ANKS1B: variants seen among roughly 807,000 people sequenced by gnomAD.
ANKS1B encodes the protein ankyrin repeat and sterile alpha motif domain containing 1B.
In ANKS1B, 36 loss-of-function variants were observed where a neutral mutation model predicts 148.3. The ratio of observed to expected loss-of-function variants is 0.24; its 90% CI spans 0.19 to 0.32. The LOEUF (loss-of-function observed/expected upper bound fraction) is 0.32. ANKS1B is among the 10% of genes least tolerant of loss of function. The pLI is 1.00. For missense variants in ANKS1B, 1,157 were observed against 1,542.6 expected, an observed-to-expected ratio of 0.75 and a Z score of 4.19; for synonymous variants, 542 against 560.8, an observed-to-expected ratio of 0.97 and a Z score of 0.47.
intron 8 of ANKS1B, among the ~76,000 whole-genome samples, chr12:99,674,731 C>T (rs1016246597): frequency 6.6e-6 from 1 of 151,604 alleles, no homozygotes; most frequent in East Asian, 1.9e-4. Context: ...GGCATTTCTA[C>T]TATAAATAGT....
At chr12:99,648,260 A>C (rs769922789) in intron 9 of ANKS1B, 16 of 1,614,096 alleles carry the variant, frequency 9.9e-6, no homozygotes, top group Non-Finnish European at 1.4e-5. Context: ...GGGAAGCTGC[A>C]GCGGCAACTG....
At chr12:99,397,449 A>G (rs1023623639) in intron 12 of ANKS1B, among the ~76,000 whole-genome samples, 1 of 152,152 alleles carries the variant, frequency 6.6e-6, no homozygotes, top group Non-Finnish European at 1.5e-5. Context: ...CATTCTAGAA[A>G]GACGACAAGA....
chr12:99,367,412 T>C (rs2092829016), intron 12 of ANKS1B, among the ~76,000 whole-genome samples: 1 of 152,180 alleles, frequency 6.6e-6, no homozygotes, highest in African/African-American at 2.4e-5. Flanking sequence ...AAGAAGTCTG[T>C]GAGCTACACA....
At chr12:99,678,316 T>C (rs1948729013) in intron 8 of ANKS1B, among the ~76,000 whole-genome samples, 1 of 152,190 alleles carries the variant, frequency 6.6e-6, no homozygotes, top group Non-Finnish European at 1.5e-5. Flanking sequence ...CCTTCCTAAG[T>C]CCCTGGTGTG....
At chr12:98,778,726 C>T (rs2098704798) in intron 24 of ANKS1B, among the ~76,000 whole-genome samples, 1 of 152,184 alleles carries the variant, frequency 6.6e-6, no homozygotes, top group South Asian at 2.1e-4. Context: ...GCCAGTCCTC[C>T]CACCCTGGCT....
intron 12 of ANKS1B, among the ~76,000 whole-genome samples, chr12:99,357,968 G>A (rs1053392477): frequency 3.3e-5 from 5 of 151,668 alleles, no homozygotes; most frequent in South Asian, 2.1e-4. Flanking sequence ...TTATTCAATT[G>A]CTAATGAGGT....
intron 14 of ANKS1B, among the ~76,000 whole-genome samples, chr12:99,201,161 C>A (rs1335504457): frequency 6.6e-6 from 1 of 151,956 alleles, no homozygotes; most frequent in Non-Finnish European, 1.5e-5. Flanking sequence ...CAGGTGAGGG[C>A]CTGATCACGC....
intron 1 of ANKS1B, among the ~76,000 whole-genome samples, chr12:99,874,898 G>C (rs1488740): frequency 0.14 from 22,009 of 152,168 alleles, 1,974 homozygotes; most frequent in Non-Finnish European, 0.2. Flanking sequence ...CTAATACATT[G>C]CAAATACTTG....
intron 23 of ANKS1B, 68 bp downstream of exon 23, chr12:98,782,058 A>T (rs1306434599): frequency 1.1e-5 from 14 of 1,287,978 alleles, no homozygotes; most frequent in Non-Finnish European, 1.4e-5. Context: ...AGTCACCAGC[A>T]GTCAGTTTAC....
intron 12 of ANKS1B, among the ~76,000 whole-genome samples, chr12:99,388,746 T>C (rs2093963377): frequency 1.3e-5 from 2 of 152,206 alleles, no homozygotes; most frequent in Admixed American, 1.3e-4. Context: ...GCTCACAGAC[T>C]GTTGGCCCAA....
At chr12:99,489,044 C>A (rs1279369547) in intron 10 of ANKS1B, among the ~76,000 whole-genome samples, 1 of 152,012 alleles carries the variant, frequency 6.6e-6, no homozygotes, top group Non-Finnish European at 1.5e-5. Context: ...GAGTTTGAGA[C>A]CAGTCTGACC....
At chr12:99,632,909 C>A (rs1444383885) in intron 9 of ANKS1B, among the ~76,000 whole-genome samples, 36 of 60,222 alleles carry the variant, frequency 6.0e-4, no homozygotes, top group African/African-American at 2.0e-3. Context: ...TCCCTCCCCC[C>A]TCCCCCCACC....
At chr12:99,836,062 T>C (rs1488722) in intron 1 of ANKS1B, among the ~76,000 whole-genome samples, 3,235 of 152,302 alleles carry the variant, frequency 0.021, 101 homozygotes, top group African/African-American at 0.072. Flanking sequence ...GTAAGATAGA[T>C]ATACACTATA....
At chr12:98,968,630 T>G (rs17460772) in intron 17 of ANKS1B, among the ~76,000 whole-genome samples, 28,170 of 152,108 alleles carry the variant, frequency 0.19, 2,876 homozygotes, top group Non-Finnish European at 0.21. Flanking sequence ...ACCCTTCACC[T>G]TTCTCTCTCC....
intron 9 of ANKS1B, among the ~76,000 whole-genome samples, chr12:99,582,235 G>C (rs562655316): frequency 6.6e-6 from 1 of 151,738 alleles, no homozygotes; most frequent in South Asian, 2.1e-4. Context: ...AGAACTCTCA[G>C]ACATTCCTGA....
intron 10 of ANKS1B, among the ~76,000 whole-genome samples, chr12:99,481,579 T>C (rs1468144169): frequency 6.6e-6 from 1 of 151,924 alleles, no homozygotes; most frequent in Non-Finnish European, 1.5e-5. Flanking sequence ...CTGTATCCAT[T>C]GGTAGATCTA....
chr12:99,677,692 T>A (rs2098586519), intron 8 of ANKS1B, among the ~76,000 whole-genome samples: 1 of 152,058 alleles, frequency 6.6e-6, no homozygotes, highest in South Asian at 2.1e-4. Flanking sequence ...AGAAATAAAG[T>A]TCAGTTTGTA....
chr12:99,894,566 A>G (rs2093311615), intron 1 of ANKS1B, among the ~76,000 whole-genome samples: 1 of 150,256 alleles, frequency 6.7e-6, no homozygotes, highest in African/African-American at 2.4e-5. Flanking sequence ...CCATGGTTCA[A>G]CTTACAATTT....
intron 9 of ANKS1B, among the ~76,000 whole-genome samples, chr12:99,635,957 A>G (rs2098231009): frequency 6.6e-6 from 1 of 152,122 alleles, no homozygotes; most frequent in South Asian, 2.1e-4. Context: ...AAAATATTTT[A>G]TAATTGTGGG....
Sources: gnomAD v4.1 joint callset for allele counts (sites outside exome capture counted in the v4.1 genomes callset) on GRCh38, gnomAD v4.1.1 for gene constraint, MANE v1.5 for transcripts, NCBI Gene and HGNC (gene_info 2026-07-23, HGNC 2026-07-21) for gene names.